The following EPHA6 variants were observed in gnomAD, a reference collection of about 807,000 sequenced individuals.
The protein encoded by EPHA6 is ephrin type-A receptor 6.
A neutral mutation model predicts 112.0 loss-of-function variants in EPHA6; 50 were observed. The ratio of observed to expected loss-of-function variants is 0.45; its 90% confidence interval spans 0.36 to 0.56. The LOEUF (loss-of-function observed/expected upper bound fraction) is 0.56, where lower values mean the gene tolerates loss of function less well. Ranked by LOEUF, EPHA6 falls within the 20% of genes least tolerant of loss-of-function variation. EPHA6 has a pLI of 0.00. For missense variants in EPHA6, 1,280 were observed against 1,417.4 expected (o/e 0.90, Z 1.56); for synonymous variants, 529 against 490.7 (o/e 1.08, Z -1.03).
At chr3:97,233,354 T>A (rs1333857448) in intron 4 of EPHA6, among the ~76,000 whole-genome samples, 1 of 150,674 alleles carries the variant, frequency 6.6e-6, no homozygotes, top group Non-Finnish European at 1.5e-5. Context: ...AAACATTATG[T>A]CTTCTAAAAC....
Position 97,321,679 on chromosome 3 carries a change from T to C in EPHA6, c.1606+77392T>C, listed in dbSNP as rs529646473. ...CTTTTTTAAAGTGACATTTACAGTG[T>C]GTAAAAAAAAAATAAACCAGGGACT... is the stretch of plus-strand genomic sequence containing the variant. On this transcript the variant is annotated intron_variant, in intron 5 of 17. Coordinates refer to ENST00000389672, the MANE Select transcript of EPHA6 (RefSeq NM_001080448.3). Among the ~76,000 whole-genome samples, 27 of 151,634 alleles carry C rather than the reference T, an allele frequency of 1.8e-4. 1 individual carries two copies. Among genetic ancestry groups the C allele is most frequent in the Admixed American group, 1.2e-3 (18 of 15,210 alleles).
chr3:97,199,205 T>A (rs1350609368), intron 3 of EPHA6, among the ~76,000 whole-genome samples: 1 of 152,118 alleles, frequency 6.6e-6, no homozygotes, highest in Non-Finnish European at 1.5e-5. Context: ...GTTATTAAAT[T>A]TGTGATGAGC....
chr3:97,186,987 T>TA (rs2077157412), intron 3 of EPHA6, among the ~76,000 whole-genome samples: 1 of 152,092 alleles, frequency 6.6e-6, no homozygotes. Context: ...TATCACACCT[T>TA]AAAAAAATTG....
intron 3 of EPHA6, among the ~76,000 whole-genome samples, chr3:97,223,706 G>A (rs566777048): frequency 6.6e-6 from 1 of 152,318 alleles, no homozygotes; most frequent in South Asian, 2.1e-4. Context: ...CAGCTACTGG[G>A]TTGACCATAA....
At chr3:97,140,977 G>A (rs1464257038) in intron 3 of EPHA6, among the ~76,000 whole-genome samples, 1 of 152,044 alleles carries the variant, frequency 6.6e-6, no homozygotes, top group African/African-American at 2.4e-5. Flanking sequence ...GTAAAGGGAT[G>A]GAGAAAGACA....
intron 9 of EPHA6, chr3:97,481,583 T>C (rs965327787): frequency 3.3e-5 from 19 of 571,110 alleles, no homozygotes; most frequent in African/African-American, 2.8e-4. Context: ...TGGGGGACTG[T>C]TGGGTCAGAA....
At chr3:96,860,111 AT>A (rs2035925713) in intron 1 of EPHA6, among the ~76,000 whole-genome samples, 1 of 152,118 alleles carries the variant, frequency 6.6e-6, no homozygotes, top group African/African-American at 2.4e-5. Context: ...GACTTAAGAA[AT>A]GTTTGTTGAA....
chr3:97,205,839 A>G (rs554625370), intron 3 of EPHA6, among the ~76,000 whole-genome samples: 1 of 152,242 alleles, frequency 6.6e-6, no homozygotes, highest in African/African-American at 2.4e-5. Context: ...TCCAGACACC[A>G]TGCTAAACAT....
chr3:97,131,890 T>C (rs2075637088), intron 3 of EPHA6, among the ~76,000 whole-genome samples: 1 of 152,096 alleles, frequency 6.6e-6, no homozygotes, highest in Admixed American at 6.6e-5. Context: ...CCTTATACGG[T>C]TTCAATCATA....
chr3:97,324,460 T>TCTTTCTTTCTTC (rs2108795624), intron 5 of EPHA6, among the ~76,000 whole-genome samples: 2 of 148,640 alleles, frequency 1.3e-5, no homozygotes, highest in Admixed American at 1.3e-4. Context: ...TTTCTTTCTT[T>TCTTTCTTTCTTC]CTTTCTTTCT....
intron 14 of EPHA6, among the ~76,000 whole-genome samples, chr3:97,719,110 C>G (rs2034395415): frequency 7.6e-6 from 1 of 132,202 alleles, no homozygotes; most frequent in Admixed American, 7.7e-5. Flanking sequence ...ACCCCCCCCG[C>G]CGCGGTAAGT....
chr3:97,626,517 A>G (rs1407185341), intron 13 of EPHA6, among the ~76,000 whole-genome samples: 1 of 151,834 alleles, frequency 6.6e-6, no homozygotes, highest in Admixed American at 6.6e-5. Context: ...GGGATCATTC[A>G]GGTAACAGAC....
At chr3:97,539,217 G>C (rs999489667) in intron 11 of EPHA6, among the ~76,000 whole-genome samples, 1 of 149,702 alleles carries the variant, frequency 6.7e-6, no homozygotes, top group Non-Finnish European at 1.5e-5. Context: ...GCAAGATCTG[G>C]GCTCACTGCA....
At chr3:96,947,452 T>G (rs1168219647) in intron 2 of EPHA6, among the ~76,000 whole-genome samples, 1 of 152,104 alleles carries the variant, frequency 6.6e-6, no homozygotes, top group African/African-American at 2.4e-5. Flanking sequence ...TTTCCCCATT[T>G]CTTGTTTTTG....
At chr3:97,451,605 A>C (rs1379410870) in intron 7 of EPHA6, among the ~76,000 whole-genome samples, 8 of 151,684 alleles carry the variant, frequency 5.3e-5, no homozygotes, top group Non-Finnish European at 4.4e-5. Context: ...AAAAAAAAAA[A>C]AAAACTGGTT....
At chr3:97,528,421 C>G (rs2092653349) in intron 10 of EPHA6, among the ~76,000 whole-genome samples, 1 of 152,048 alleles carries the variant, frequency 6.6e-6, no homozygotes, top group African/African-American at 2.4e-5. Context: ...AATAAGGAGC[C>G]ATACACATAG....
At chr3:97,517,442 G>T (rs2092464921) in intron 10 of EPHA6, among the ~76,000 whole-genome samples, 1 of 151,742 alleles carries the variant, frequency 6.6e-6, no homozygotes, top group Non-Finnish European at 1.5e-5. Flanking sequence ...TAGACGTCTG[G>T]GTTTTTTTTT....
chr3:97,591,398 A>T (rs561997716), intron 11 of EPHA6, among the ~76,000 whole-genome samples: 10 of 152,330 alleles, frequency 6.6e-5, no homozygotes, highest in Non-Finnish European at 1.3e-4. Flanking sequence ...TTGTGTCAAG[A>T]TACAAAGTGA....
At chr3:97,148,503 G>A (rs2076095226) in intron 3 of EPHA6, among the ~76,000 whole-genome samples, 1 of 152,010 alleles carries the variant, frequency 6.6e-6, no homozygotes, top group Admixed American at 6.6e-5. Context: ...AAATTTGAGG[G>A]AAAGTTAGAA....
Sources: allele counts gnomAD v4.1 joint callset (sites outside exome capture counted in the v4.1 genomes callset), GRCh38; gene constraint gnomAD v4.1.1; transcripts MANE v1.5; gene names NCBI Gene and HGNC (gene_info 2026-07-23, HGNC 2026-07-21).